EMG1: variants seen among roughly 807,000 people sequenced by gnomAD.
The protein encoded by EMG1 is ribosomal RNA small subunit methyltransferase NEP1.
In EMG1, 24 loss-of-function variants were observed where a neutral mutation model predicts 26.9. The ratio of observed to expected loss-of-function variants is 0.89; its 90% confidence interval spans 0.65 to 1.26. EMG1 has a LOEUF of 1.26. Among genes scored for constraint, EMG1 ranks in the 50% most tolerant of loss-of-function variants. The pLI, the probability that EMG1 is intolerant of heterozygous loss-of-function variation, is 0.00. For synonymous variants in EMG1, 140 were observed against 112.6 expected (o/e 1.24, Z -1.54); for missense variants, 299 against 307.6 (o/e 0.97, Z 0.21).
chr12:6,991,926 G>T (rs1172579907), downstream of EMG1, among the ~76,000 whole-genome samples: 1 of 151,978 alleles, frequency 6.6e-6, no homozygotes, highest in Admixed American at 6.6e-5. Flanking sequence ...ATCAGGCATG[G>T]TGGCCCACAC....
chr12:6,975,611 C>A, intron 5 of EMG1, 85 bp from the exon 6 acceptor site: 1 of 1,045,272 alleles, frequency 9.6e-7, no homozygotes, highest in Non-Finnish European at 1.5e-6. Flanking sequence ...GAAATACTAG[C>A]TCAGCCATAG....
rs1555153476 is a variant in EMG1, at chr12:6,977,629, A to G, written c.*1820A>G. On this transcript the variant is annotated 3_prime_UTR_variant, in exon 6 of 6. Transcript: ENST00000599672. This position sits in a 1 kb window ranked among gnomAD's most constrained non-coding sequence, Gnocchi z 4.5. The stretch of plus-strand genomic sequence containing the variant: ...TTCCACAATAACAATGAGGAATTCC[A>G]TCTGGAAGCAGACCAGGTATCCTGA... 2 of 1,614,188 alleles carry G rather than the reference A, an allele frequency of 1.2e-6. No homozygotes were observed. The highest frequency in any genetic ancestry group is 1.7e-6 in the Non-Finnish European group (2 of 1,180,028).
downstream of EMG1, among the ~76,000 whole-genome samples, chr12:6,988,848 C>G (rs111969048): frequency 6.6e-6 from 1 of 152,066 alleles, no homozygotes; most frequent in East Asian, 1.9e-4. Flanking sequence ...ACTTGTTGGC[C>G]GGGCGCCGTG....
At chr12:6,986,795 CAA>C (rs1157395768) in intron 6 of EMG1, among the ~76,000 whole-genome samples, 4 of 33,914 alleles carry the variant, frequency 1.2e-4, no homozygotes, top group Admixed American at 2.9e-4. Flanking sequence ...GACTCTGTCT[CAA>C]AAAAAAAAAA....
At chr12:6,980,883 C>T (rs1395256364), downstream of EMG1, 10 of 982,440 alleles carry the variant, frequency 1.0e-5, no homozygotes, top group Admixed American at 2.7e-5. Flanking sequence ...TACAACAGTC[C>T]AGGGCCTGCA....
downstream of EMG1, chr12:6,981,070 G>A (rs782672963): frequency 6.2e-7 from 1 of 1,613,478 alleles, no homozygotes; most frequent in South Asian, 1.1e-5. Flanking sequence ...GTGATTCATT[G>A]AGAACTGGGG....
chr12:6,974,237 A>T, intron 1 of EMG1, 102 bp from the exon 2 acceptor site: 1 of 822,640 alleles, frequency 1.2e-6, no homozygotes, highest in Non-Finnish European at 2.0e-6. Context: ...ACAAGTTTCC[A>T]GGTGCAGCTG....
intron 1 of EMG1, among the ~76,000 whole-genome samples, chr12:6,973,918 A>G (rs1946362359): frequency 1.3e-5 from 2 of 152,228 alleles, no homozygotes; most frequent in African/African-American, 4.8e-5. Context: ...TGGTGACTCG[A>G]TATTTTGCAC....
rs117605641 is a variant in EMG1 at position 6,978,844 on chromosome 12, T to C, written c.*3035T>C. On this transcript the variant is annotated 3_prime_UTR_variant, in exon 6 of 6. Coordinates refer to ENST00000599672, the MANE Select transcript of EMG1 (RefSeq NM_006331.8). ...TAGTCTGGCCTGATTGCCTTCACAA[T>C]AGGCAGAGAGGAATAAGCAGAGGGC... is the stretch of plus-strand genomic sequence containing the variant. 5.6e-5 allele frequency: 58 copies of C among 1,033,676 alleles called. No homozygotes were observed. The East Asian group carries it at 1.4e-3, about 24-fold the overall frequency. 64.0% of individuals were successfully genotyped at this position (1,033,676 alleles called of 1,614,324 possible).
intron 1 of EMG1, among the ~76,000 whole-genome samples, chr12:6,972,836 T>C (rs1375324206): frequency 6.6e-6 from 1 of 152,144 alleles, no homozygotes; most frequent in African/African-American, 2.4e-5. Flanking sequence ...GTTTCCACTT[T>C]TTCTTTTTTG....
At chr12:6,992,082 G>T (rs1946594817), downstream of EMG1, among the ~76,000 whole-genome samples, 1 of 151,568 alleles carries the variant, frequency 6.6e-6, no homozygotes, top group Admixed American at 6.6e-5. Flanking sequence ...AAAAAAAAAA[G>T]ATTTATTCAA....
rs911103010 is a variant in EMG1 at position 6,987,054 on chromosome 12, A to G, written c.*155-728A>G. On this transcript the variant is annotated intron_variant and NMD_transcript_variant, in intron 6 of 7. Coordinates refer to the EMG1 transcript ENST00000261406. The surrounding 1 kb of genome is among the most constrained non-coding windows in gnomAD (Gnocchi z 4.1). ...CTTGAACCCAGGAGGCGGAGGTGGC[A>G]GTGAGCTGAGATCACGCCATTGCAC... Among the ~76,000 whole-genome samples, 10 of 151,982 alleles carry G rather than the reference A, an allele frequency of 6.6e-5. No individual in the cohort carries two copies. Among genetic ancestry groups the G allele is most frequent in the Admixed American group, 3.3e-4 (5 of 15,250 alleles).
intron 1 of EMG1, among the ~76,000 whole-genome samples, chr12:6,973,323 A>G (rs1442968922): frequency 6.6e-6 from 1 of 151,886 alleles, no homozygotes; most frequent in Non-Finnish European, 1.5e-5. Context: ...ATGTGCCACC[A>G]TGCCCAGCTA....
rs782167534 is a variant in EMG1 at position 6,994,436 on chromosome 12, G to A, written c.*212-2789G>A. On this transcript the variant is annotated intron_variant and NMD_transcript_variant, in intron 7 of 7. Transcript: ENST00000607161. ...TTGGCCAGGCTAGTCTCGAACTCCT[G>A]ACCTCAAGTGATCGACCTGCCTTGG... Among the ~76,000 whole-genome samples, 56 of 152,224 alleles carry A rather than the reference G, an allele frequency of 3.7e-4. 1 individual carries two copies. The highest frequency in any genetic ancestry group is 9.6e-4 in the African/African-American group (40 of 41,520).
In EMG1 at chr12:6,971,090, A is replaced by G; in HGVS notation, c.167A>G (p.Lys56Arg). Residue 56 changes from lysine (K) to arginine (R), a missense_variant and splice_region_variant, in exon 1 of 6, where the codon AAG becomes AGG. Transcript: ENST00000599672. ...GAAGGGGCCAGTCTGGAGACAGTCA[A>G]GGTAGTTTGGGACAGGAAGTGGAGA... ...VLEGASLETV[K>R]VGKTYELLNC... 6.2e-7 allele frequency: 1 copy of G among 1,609,546 alleles called. No individual in the cohort carries two copies. Among genetic ancestry groups the G allele is most frequent in the East Asian group, 2.2e-5 (1 of 44,810 alleles).
At chr12:6,971,900 A>G (rs916578218) in intron 1 of EMG1, among the ~76,000 whole-genome samples, 2 of 152,054 alleles carry the variant, frequency 1.3e-5, no homozygotes, top group African/African-American at 2.4e-5. Context: ...TCTATCATTC[A>G]TCTCTTTCCC....
chr12:6,975,517 C>A, intron 5 of EMG1, 139 bp downstream of exon 5: 1 of 1,049,926 alleles, frequency 9.5e-7, no homozygotes, highest in East Asian at 2.6e-5. Flanking sequence ...AGGGCACATC[C>A]TTTGAGGGCT....
chr12:6,978,579 C>G lies in EMG1; in HGVS notation c.*2770C>G. 1 of 1,613,848 alleles carries G rather than the reference C, an allele frequency of 6.2e-7. No individual in the cohort carries two copies. Among genetic ancestry groups the G allele is most frequent in the Non-Finnish European group, 8.5e-7 (1 of 1,179,844 alleles). On this transcript the variant is annotated 3_prime_UTR_variant, in exon 6 of 6. Transcript: ENST00000599672. Reference sequence around the variant, plus strand: ...GCCCCCATGGCTTGTCTAAATAGGACCTTGTTTCAACTTTTCTACTTACTG... The same window carrying G: ...GCCCCCATGGCTTGTCTAAATAGGAGCTTGTTTCAACTTTTCTACTTACTG...
chr12:6,978,160 A>G lies in EMG1; in HGVS notation c.*2351A>G, dbSNP rs1946430615. The G allele has an allele frequency of 4.4e-6, 3 of 689,442 alleles. No homozygotes were observed. The highest frequency in any genetic ancestry group is 7.1e-6 in the Non-Finnish European group (3 of 420,902). The allele number at this position is 689,442 out of a possible 1,614,324, so 42.7% of individuals were successfully genotyped here. ...TTTATATCTTGCCTTTTTTTCAAAT[A>G]TGACAGTAATGGTTTTTTTGGGAGG... On this transcript the variant is annotated 3_prime_UTR_variant, in exon 6 of 6. Transcript: ENST00000599672.
Sources: gnomAD v4.1 joint callset for allele counts (sites outside exome capture counted in the v4.1 genomes callset) on GRCh38, gnomAD v4.1.1 for gene constraint, Gnocchi (gnomAD v3.1) non-coding constraint, MANE v1.5 for transcripts, NCBI Gene and HGNC (gene_info 2026-07-23, HGNC 2026-07-21) for gene names.